Variants in CBFA2T3 observed in about 807,000 individuals in gnomAD.
The protein encoded by CBFA2T3 is CBFA2/RUNX1 partner transcriptional co-repressor 3, also known as transcriptional corepressor CBFA2T3.
Under a neutral mutation model 58.6 loss-of-function variants are expected in CBFA2T3, and 31 were observed. That is an observed-to-expected ratio of 0.53 (90% CI 0.40 to 0.71). The LOEUF (loss-of-function observed/expected upper bound fraction) is 0.71. CBFA2T3 is among the 30% of genes least tolerant of loss of function. The pLI is 0.00. For missense variants in CBFA2T3, 1,076 were observed against 963.1 expected, an observed-to-expected ratio of 1.12 and a Z score of -1.55; for synonymous variants, 531 against 421.9, an observed-to-expected ratio of 1.26 and a Z score of -3.17.
chr16:88,948,231 ATCGGTTCTGTCCCCCC>A (rs1597778774), intron 1 of CBFA2T3, among the ~76,000 whole-genome samples: 1 of 152,200 alleles, frequency 6.6e-6, no homozygotes, highest in African/African-American at 2.4e-5. Flanking sequence ...CAGCTGACAA[ATCGGTTCTGTCCCCCC>A]TCAATTCTGT....
In CBFA2T3 at chr16:88,876,629, CAG is replaced by C; in HGVS notation, c.*345_*346del. The C allele has an allele frequency of 3.3e-6, 1 of 305,284 alleles. No homozygotes were observed. The highest frequency in any genetic ancestry group is 2.1e-5 in the African/African-American group (1 of 47,308). The allele number at this position is 305,284 out of a possible 1,614,324, so 18.9% of individuals were successfully genotyped here. The stretch of plus-strand genomic sequence containing the variant: ...GAGAAGACAGAGGGGGAGAGACAGA[CAG>C]AGAGGAAAAGAGAGGTGGGCAGAGC... On this transcript the variant is annotated 3_prime_UTR_variant, in exon 12 of 12. Coordinates refer to ENST00000268679, the MANE Select transcript of CBFA2T3 (RefSeq NM_005187.6).
At chr16:88,922,639 G>A (rs149878444) in intron 1 of CBFA2T3, among the ~76,000 whole-genome samples, 121 of 152,338 alleles carry the variant, frequency 7.9e-4, no homozygotes, top group African/African-American at 2.8e-3. Flanking sequence ...ATGCACCAAT[G>A]CCCGGGACAG....
At chr16:88,884,771 G>C (rs906263176) in intron 7 of CBFA2T3, 2 of 389,510 alleles carry the variant, frequency 5.1e-6, no homozygotes, top group African/African-American at 4.2e-5. Context: ...TGGGTGGACT[G>C]TGGGAATCGC....
chr16:88,874,980 G>A lies in CBFA2T3; in HGVS notation c.*1996C>T. 4.3e-6 allele frequency: 1 copy of A among 233,610 alleles called. No homozygotes were observed. The highest frequency in any genetic ancestry group is 8.5e-6 in the Non-Finnish European group (1 of 117,996). The allele number at this position is 233,610 out of a possible 1,614,324, so 14.5% of individuals were successfully genotyped here. ...CACGCTCAGCTTCAGGCCTCTGGCG[G>A]GCTGTTCGTGGCTGGTTCAGTAGCT... On this transcript the variant is annotated 3_prime_UTR_variant, in exon 12 of 12. Coordinates refer to ENST00000268679, the MANE Select transcript of CBFA2T3 (RefSeq NM_005187.6).
At position 88,879,253 on chromosome 16, in the gene CBFA2T3, T is replaced by C; in HGVS notation, c.1662+17A>G. On this transcript the variant is annotated intron_variant, in intron 11 of 11. Coordinates refer to ENST00000268679, the MANE Select transcript of CBFA2T3 (RefSeq NM_005187.6). ...CCGAGGCAGGGGATGGGTGTCAGCGTGGCCGGGTGGCCCTACCTCGCTGGA... is the reference window on the plus strand; with the variant it reads ...CCGAGGCAGGGGATGGGTGTCAGCGCGGCCGGGTGGCCCTACCTCGCTGGA... 1 of 1,576,870 alleles carries C rather than the reference T, an allele frequency of 6.3e-7. No homozygotes were observed. Among genetic ancestry groups the C allele is most frequent in the Non-Finnish European group, 8.6e-7 (1 of 1,159,340 alleles).
chr16:88,945,013 A>G (rs1971866872), intron 1 of CBFA2T3, among the ~76,000 whole-genome samples: 1 of 152,230 alleles, frequency 6.6e-6, no homozygotes, highest in Admixed American at 6.5e-5. Context: ...CCTTCAGAAA[A>G]TAGTTCTGAG....
At position 88,889,707 on chromosome 16, in the gene CBFA2T3, C is replaced by A. The variant is rs541270474; in HGVS notation, c.711+2175G>T. Reference sequence around the variant, plus strand: ...ACTCCTCCTCCTCCAGGGACGACACCCCGCGATTCCTCCTCCTCCAGGGAC... The same window carrying A: ...ACTCCTCCTCCTCCAGGGACGACACACCGCGATTCCTCCTCCTCCAGGGAC... On this transcript the variant is annotated intron_variant, in intron 5 of 11. Coordinates refer to ENST00000268679, the MANE Select transcript of CBFA2T3 (RefSeq NM_005187.6). 9.1e-4 allele frequency among the ~76,000 whole-genome samples: 138 copies of A among 151,904 alleles called. 1 individual carries two copies. Among genetic ancestry groups the A allele is most frequent in the African/African-American group, 3.1e-3 (128 of 41,414 alleles).
At position 88,976,738 on chromosome 16, in the gene CBFA2T3, G is replaced by T; in HGVS notation, c.70C>A (p.Gln24Lys). The change falls in exon 1 of 12, where the codon CAG (glutamine) becomes AAG (lysine). Residue 24 changes from glutamine (Q) to lysine (K), a missense_variant. Transcript: ENST00000268679. The part of the protein sequence containing the change: ...ASGSTCGSMS[Q>K]THPVLESGLL... Reference sequence around the variant, plus strand: ...CCGCTCTCCAGCACAGGGTGCGTCTGGGACATGGAGCCACAGGTGGATCCC... The same window carrying T: ...CCGCTCTCCAGCACAGGGTGCGTCTTGGACATGGAGCCACAGGTGGATCCC... 1 of 1,557,362 alleles carries T rather than the reference G, an allele frequency of 6.4e-7. No individual in the cohort carries two copies. Among genetic ancestry groups the T allele is most frequent in the East Asian group, 2.4e-5 (1 of 41,800 alleles).
In CBFA2T3 at chr16:88,885,635, G is replaced by A; in HGVS notation, c.893+326C>T. The stretch of plus-strand genomic sequence containing the variant: ...ACAAGAGCGTCTGGGGCAGCAGAGG[G>A]GGCCCAGCCCAGGCACCTGGGGACC... On this transcript the variant is annotated intron_variant, in intron 6 of 11. Coordinates refer to ENST00000268679, the MANE Select transcript of CBFA2T3 (RefSeq NM_005187.6). This position sits in a 1 kb window ranked among gnomAD's most constrained non-coding sequence, Gnocchi z 5.3. 1 of 427,002 alleles carries A rather than the reference G, an allele frequency of 2.3e-6. No homozygotes were observed. The highest frequency in any genetic ancestry group is 4.2e-6 in the Non-Finnish European group (1 of 237,882). The allele number at this position is 427,002 out of a possible 1,614,324, so 26.5% of individuals were successfully genotyped here.
At chr16:88,932,099 G>A (rs1482009327) in intron 1 of CBFA2T3, among the ~76,000 whole-genome samples, 2 of 152,026 alleles carry the variant, frequency 1.3e-5, no homozygotes, top group Non-Finnish European at 2.9e-5. Context: ...CCCTGGCAAC[G>A]GCACCCGACG....
rs927488981 is a variant in CBFA2T3 at position 88,953,673 on chromosome 16, C to T, written c.151+22984G>A. Among the ~76,000 whole-genome samples the T allele has an allele frequency of 6.6e-6, 1 of 152,152 alleles. No individual in the cohort carries two copies. Among genetic ancestry groups the T allele is most frequent in the Non-Finnish European group, 1.5e-5 (1 of 68,026 alleles). ...CCCAGGCTGTGTGTGGCTTGGATGC[C>T]AAAGCGCCTTTTGCTGTATTCGGCA... On this transcript the variant is annotated intron_variant, in intron 1 of 11. Coordinates refer to ENST00000268679, the MANE Select transcript of CBFA2T3 (RefSeq NM_005187.6). The surrounding 1 kb of genome is among the most constrained non-coding windows in gnomAD (Gnocchi z 4.9).
chr16:88,975,181 T>TGTCAGAGGCCCGCCCTGGCC (rs1567643999), intron 1 of CBFA2T3, among the ~76,000 whole-genome samples: 1 of 47,762 alleles, frequency 2.1e-5, no homozygotes, highest in Non-Finnish European at 5.9e-5. Flanking sequence ...CTGCTCCACA[T>TGTCAGAGGCCCGCCCTGGCC]CTTTAGCCAT....
intron 5 of CBFA2T3, among the ~76,000 whole-genome samples, chr16:88,888,273 C>G (rs79778400): frequency 2.0e-5 from 3 of 150,180 alleles, no homozygotes; most frequent in Non-Finnish European, 4.4e-5. Context: ...GAGAGTACCC[C>G]AGACTGGGCC....
chr16:88,900,685 C>A (rs1284793307), intron 2 of CBFA2T3, among the ~76,000 whole-genome samples: 1 of 152,106 alleles, frequency 6.6e-6, no homozygotes, highest in East Asian at 1.9e-4. Flanking sequence ...CCTGCAGACA[C>A]TGAGATGCAC....
chr16:88,936,405 A>G (rs113662281), intron 1 of CBFA2T3, among the ~76,000 whole-genome samples: 2 of 148,054 alleles, frequency 1.4e-5, no homozygotes, highest in South Asian at 4.3e-4. Flanking sequence ...AGGGGCAGCC[A>G]AGCATCCACC....
chr16:88,959,883 G>T (rs1238710718), intron 1 of CBFA2T3, among the ~76,000 whole-genome samples: 2 of 152,102 alleles, frequency 1.3e-5, no homozygotes, highest in African/African-American at 4.8e-5. Context: ...AAAATTAGCA[G>T]GATGCAGTGA....
At chr16:88,970,725 C>G (rs1347843160) in intron 1 of CBFA2T3, among the ~76,000 whole-genome samples, 3 of 152,244 alleles carry the variant, frequency 2.0e-5, no homozygotes, top group Non-Finnish European at 2.9e-5. Flanking sequence ...CTCGCCTCGC[C>G]TGGAGATGGA....
In CBFA2T3 at chr16:88,885,166, G is replaced by T; in HGVS notation, c.997C>A (p.Pro333Thr). ...PAQRYSPSNG[P>T]PQPTPPPHYR... ...TGCGGCGGCGGTGTGGGCTGCGGTG[G>T]CCCGTTGCTGGGGCTGTAGCGCTGG... is the stretch of plus-strand genomic sequence containing the variant. Residue 333 changes from proline (P) to threonine (T), a missense_variant, in exon 7 of 12, where the codon CCA (proline) becomes ACA (threonine). Physicochemically the swap from Pro to Thr is conservative, Grantham distance 38. Transcript: ENST00000268679. This position sits in a 1 kb window ranked among gnomAD's most constrained non-coding sequence, Gnocchi z 5.3. The T allele has an allele frequency of 6.2e-7, 1 of 1,602,608 alleles. No homozygotes were observed.
At chr16:88,909,820 G>A (rs1970471045) in intron 1 of CBFA2T3, among the ~76,000 whole-genome samples, 1 of 152,202 alleles carries the variant, frequency 6.6e-6, no homozygotes, top group Admixed American at 6.5e-5. Flanking sequence ...AGTGAGTGAG[G>A]GGCTGAGCCA....
Sources: gnomAD v4.1 joint callset for allele counts (sites outside exome capture counted in the v4.1 genomes callset) on GRCh38, gnomAD v4.1.1 for gene constraint, Gnocchi (gnomAD v3.1) non-coding constraint, MANE v1.5 for transcripts, NCBI Gene and HGNC (gene_info 2026-07-23, HGNC 2026-07-21) for gene names.